Variants in NIBAN1 observed in about 807,000 individuals in gnomAD.
NIBAN1 encodes the protein niban apoptosis regulator 1.
In NIBAN1, 81 loss-of-function variants were observed where a neutral mutation model predicts 75.1. The observed-to-expected ratio is 1.08, with a 90% CI of 0.90 to 1.30. NIBAN1 has a LOEUF of 1.30. Ranked by LOEUF, NIBAN1 falls within the 50% of genes most tolerant of loss-of-function variation. The pLI is 0.00. For synonymous variants in NIBAN1, 436 were observed against 424.8 expected (o/e 1.03, Z -0.32); for missense variants, 1,133 against 1,128.1 (o/e 1.00, Z -0.06).
chr1:184,836,651 T>C (rs1311781875), intron 5 of NIBAN1, among the ~76,000 whole-genome samples: 1 of 152,190 alleles, frequency 6.6e-6, no homozygotes, highest in African/African-American at 2.4e-5. Context: ...GTGAAGCATC[T>C]TAATACAGAA....
At chr1:184,885,571 A>G (rs1373751836) in intron 4 of NIBAN1, among the ~76,000 whole-genome samples, 1 of 151,816 alleles carries the variant, frequency 6.6e-6, no homozygotes, top group Non-Finnish European at 1.5e-5. Context: ...CAACCTGTGC[A>G]CCCCCTCACT....
At chr1:184,861,761 AAGG>A (rs1291598097) in intron 5 of NIBAN1, among the ~76,000 whole-genome samples, 1 of 146,566 alleles carries the variant, frequency 6.8e-6, no homozygotes, top group Non-Finnish European at 1.5e-5. Flanking sequence ...GGAAAGAAGA[AAGG>A]AGGGAGGGAG....
intron 1 of NIBAN1, among the ~76,000 whole-genome samples, chr1:184,951,621 C>T (rs182353563): frequency 1.7e-3 from 255 of 152,288 alleles, no homozygotes; most frequent in Non-Finnish European, 2.5e-3. Context: ...CCAGCTACCC[C>T]CTAGTCCACA....
intron 1 of NIBAN1, among the ~76,000 whole-genome samples, chr1:184,969,708 T>A (rs1232755293): frequency 4.7e-5 from 7 of 148,414 alleles, no homozygotes; most frequent in African/African-American, 1.5e-4. Context: ...TTTTTTTTTT[T>A]AAAGAGAGAG....
intron 4 of NIBAN1, among the ~76,000 whole-genome samples, chr1:184,888,964 C>A (rs2101975352): frequency 6.6e-6 from 1 of 152,302 alleles, no homozygotes; most frequent in East Asian, 1.9e-4. Context: ...TTATTAAAAA[C>A]ACTATGTTAA....
At chr1:184,949,536 C>T (rs955377127) in intron 1 of NIBAN1, among the ~76,000 whole-genome samples, 2 of 152,186 alleles carry the variant, frequency 1.3e-5, no homozygotes, top group African/African-American at 4.8e-5. Context: ...GGAACTGAGG[C>T]TCAGTTATAT....
chr1:184,791,070 C>A lies in NIBAN1; in HGVS notation c.*3907G>T, dbSNP rs1256181521. ...ATTTTATTGGAATATAGGCACCTGG[C>A]AGAGTAAATACATGGTTACAAAGTG... On this transcript the variant is annotated 3_prime_UTR_variant, in exon 14 of 14. Transcript: ENST00000367511. The A allele has an allele frequency of 8.5e-6, 4 of 470,990 alleles. No homozygotes were observed. Among genetic ancestry groups the A allele is most frequent in the East Asian group, 7.0e-5 (1 of 14,354 alleles). 29.2% of individuals were successfully genotyped at this position (470,990 alleles called of 1,614,324 possible). A position where few individuals can be genotyped will look rare whatever the true frequency, so the allele number is the denominator to read the frequency against.
At chr1:184,927,387 T>C (rs182771708) in intron 1 of NIBAN1, among the ~76,000 whole-genome samples, 335 of 152,354 alleles carry the variant, frequency 2.2e-3, no homozygotes, top group African/African-American at 7.4e-3. Flanking sequence ...TAGGTAATGC[T>C]GTGGCTCTTG....
At chr1:184,951,087 G>A (rs1010791629) in intron 1 of NIBAN1, among the ~76,000 whole-genome samples, 2 of 152,198 alleles carry the variant, frequency 1.3e-5, no homozygotes, top group African/African-American at 2.4e-5. Flanking sequence ...TCCTCTCATG[G>A]CTATGTAGTG....
intron 1 of NIBAN1, among the ~76,000 whole-genome samples, chr1:184,926,678 A>G (rs1416211626): frequency 6.6e-6 from 1 of 152,146 alleles, no homozygotes; most frequent in Non-Finnish European, 1.5e-5. Context: ...GTGTTCTATA[A>G]CCTTCTTGTA....
chr1:184,801,449 G>A (rs1654038416), intron 12 of NIBAN1, among the ~76,000 whole-genome samples: 1 of 152,162 alleles, frequency 6.6e-6, no homozygotes, highest in African/African-American at 2.4e-5. Flanking sequence ...ACTGCTCTGT[G>A]CCTCTGTCTC....
chr1:184,921,204 G>A (rs1335226880), intron 1 of NIBAN1, among the ~76,000 whole-genome samples: 1 of 152,056 alleles, frequency 6.6e-6, no homozygotes, highest in Non-Finnish European at 1.5e-5. Context: ...GACTGAGGCA[G>A]GAGAATCACT....
intron 5 of NIBAN1, among the ~76,000 whole-genome samples, chr1:184,843,684 G>T (rs1655358981): frequency 6.6e-6 from 1 of 152,126 alleles, no homozygotes; most frequent in Admixed American, 6.5e-5. Context: ...TGTATTCTAA[G>T]ACAGTGAGTG....
chr1:184,812,091 C>G (rs547505582), intron 9 of NIBAN1, among the ~76,000 whole-genome samples: 80 of 152,304 alleles, frequency 5.3e-4, no homozygotes, highest in African/African-American at 1.9e-3. Context: ...ATGGGTCTTG[C>G]TCTGGCCTCC....
At chr1:184,856,494 A>G (rs1655680589) in intron 5 of NIBAN1, among the ~76,000 whole-genome samples, 1 of 152,234 alleles carries the variant, frequency 6.6e-6, no homozygotes, top group Non-Finnish European at 1.5e-5. Flanking sequence ...CAAAGGTGAC[A>G]CATTCAAAAC....
intron 1 of NIBAN1, among the ~76,000 whole-genome samples, chr1:184,916,674 A>T (rs1457185649): frequency 6.6e-6 from 1 of 152,134 alleles, no homozygotes; most frequent in East Asian, 1.9e-4. Context: ...TAACAAAATA[A>T]AGATATTTTA....
chr1:184,950,209 A>T (rs1658327002), intron 1 of NIBAN1, among the ~76,000 whole-genome samples: 1 of 152,226 alleles, frequency 6.6e-6, no homozygotes, highest in Non-Finnish European at 1.5e-5. Flanking sequence ...TCATGAGATA[A>T]TATAATGGTC....
Position 184,795,818 on chromosome 1 carries a change from G to C in NIBAN1, c.1946C>G (p.Pro649Arg). 6.2e-7 allele frequency: 1 copy of C among 1,609,712 alleles called. No individual in the cohort carries two copies. The change falls in exon 14 of 14, where the codon CCA becomes CGA. Residue 649 changes from proline to arginine, a missense_variant. Physicochemically the swap from Pro to Arg is moderately radical, Grantham distance 103. Transcript: ENST00000367511. ...SLSLPGPSPP[P>R]DGTEQVIISR... ...AATAATCACCTGCTCAGTCCCATCT[G>C]GGGGTGGGCTTGGCCCAGGGAGAGA...
chr1:184,838,255 C>T (rs916761495), intron 5 of NIBAN1, among the ~76,000 whole-genome samples: 2 of 152,184 alleles, frequency 1.3e-5, no homozygotes, highest in South Asian at 2.1e-4. Context: ...TTACTGTGCT[C>T]GGCCCAGAGC....
Sources: allele counts gnomAD v4.1 joint callset (sites outside exome capture counted in the v4.1 genomes callset), GRCh38; gene constraint gnomAD v4.1.1; transcripts MANE v1.5; gene names NCBI Gene and HGNC (gene_info 2026-07-23, HGNC 2026-07-21).